The following SHOC1 variants were observed in gnomAD, a reference collection of about 807,000 sequenced individuals.
SHOC1 encodes shortage in chiasmata 1, also known as protein shortage in chiasmata 1 ortholog.
In SHOC1, 136 loss-of-function variants were observed where a neutral mutation model predicts 179.2. That is an observed-to-expected ratio of 0.76 (90% CI 0.66 to 0.87). The LOEUF is 0.87. Among genes scored for constraint, SHOC1 ranks in the 40% least tolerant of loss-of-function variants. The pLI is 0.00. For missense variants in SHOC1, 1,538 were observed against 1,700.8 expected (o/e 0.90, Z 1.68); for synonymous variants, 489 against 586.6 (o/e 0.83, Z 2.41).
chr9:111,714,542 A>G lies in SHOC1; in HGVS notation c.2318T>C (p.Val773Ala). ...AGGCTTTTTCCCCCTAATAAACTGT[A>G]CAATCTCCAGCTGTCTCCAAATGTC... is the stretch of plus-strand genomic sequence containing the variant. ...LGDIWRQLEI[V>A]QFIRGKKPET... Residue 773 changes from valine to alanine, a missense_variant, in exon 17 of 28, where the codon GTA (valine) becomes GCA (alanine). Physicochemically the swap from Val to Ala is moderately conservative, Grantham distance 64. Transcript: ENST00000682961. 1 of 1,614,002 alleles carries G rather than the reference A, an allele frequency of 6.2e-7. No individual in the cohort carries two copies. Among genetic ancestry groups the G allele is most frequent in the Non-Finnish European group, 8.5e-7 (1 of 1,179,950 alleles).
At position 111,727,623 on chromosome 9, in the gene SHOC1, A is replaced by C; in HGVS notation, c.1834+10T>G. 1 of 1,546,692 alleles carries C rather than the reference A, an allele frequency of 6.5e-7. No homozygotes were observed. Among genetic ancestry groups the C allele is most frequent in the South Asian group, 1.3e-5 (1 of 76,596 alleles). ...CCATATCTACGGCAAAATATTATTA[A>C]ATTACTTACCATGTTTTTCATCACT... On this transcript the variant is annotated intron_variant, in intron 13 of 27. Coordinates refer to ENST00000682961, the MANE Select transcript of SHOC1 (RefSeq NM_001378211.1).
intron 24 of SHOC1, among the ~76,000 whole-genome samples, chr9:111,698,357 A>G (rs1831805574): frequency 6.6e-6 from 1 of 152,118 alleles, no homozygotes. Context: ...TCCATCTTGA[A>G]TTAATTTTTC....
chr9:111,719,170 T>C (rs1372492822), intron 15 of SHOC1, among the ~76,000 whole-genome samples: 1 of 152,092 alleles, frequency 6.6e-6, no homozygotes, highest in East Asian at 1.9e-4. Context: ...AGAGAAAACA[T>C]ATTTGGGGAA....
intron 8 of SHOC1, among the ~76,000 whole-genome samples, chr9:111,755,495 T>A (rs1297703396): frequency 6.6e-6 from 1 of 152,144 alleles, no homozygotes; most frequent in Admixed American, 6.5e-5. Flanking sequence ...TTAAATGAAA[T>A]TTATGAGAGG....
At chr9:111,752,644 C>T (rs1172117368) in intron 8 of SHOC1, among the ~76,000 whole-genome samples, 3 of 151,912 alleles carry the variant, frequency 2.0e-5, no homozygotes, top group Non-Finnish European at 4.4e-5. Context: ...AATTAGTATC[C>T]AAAGATTTCA....
At chr9:111,782,714 T>A (rs1425997185) in intron 3 of SHOC1, among the ~76,000 whole-genome samples, 1 of 147,032 alleles carries the variant, frequency 6.8e-6, no homozygotes, top group Non-Finnish European at 1.5e-5. Context: ...AGATGAGGTC[T>A]AAAAAAAAAA....
chr9:111,706,507 C>CA, intron 20 of SHOC1, 61 bp downstream of exon 20: 1 of 1,277,946 alleles, frequency 7.8e-7, no homozygotes, highest in Non-Finnish European at 1.0e-6. Flanking sequence ...AAATCATAAA[C>CA]AAAAAATAGA....
At position 111,738,406 on chromosome 9, in the gene SHOC1, C is replaced by T. The variant is rs181113387; in HGVS notation, c.1291G>A (p.Ala431Thr). Residue 431 changes from alanine to threonine, a missense_variant, in exon 12 of 28, where the codon GCA becomes ACA. By Grantham distance (58) the Ala-to-Thr change is moderately conservative. Transcript: ENST00000682961. ...NLEKAEWWKQ[A>T]GLNLKMMETL... ...TCCATCATTTTCAGATTTAGTCCTG[C>T]TTGTTTCCACCACTCTGCCTTTTCC... is the stretch of plus-strand genomic sequence containing the variant. 5.6e-6 allele frequency: 9 copies of T among 1,612,904 alleles called. No homozygotes were observed. The East Asian group carries it at 2.0e-4, about 36-fold the overall frequency.
At chr9:111,745,785 C>G (rs1272783383) in intron 10 of SHOC1, among the ~76,000 whole-genome samples, 2 of 152,214 alleles carry the variant, frequency 1.3e-5, no homozygotes, top group Admixed American at 6.5e-5. Flanking sequence ...CACTACATTG[C>G]CTTTCATGGC....
chr9:111,700,151 T>G (rs894444694), intron 23 of SHOC1, 104 bp from the exon 24 acceptor site: 8 of 674,606 alleles, frequency 1.2e-5, no homozygotes, highest in Non-Finnish European at 1.6e-5. Context: ...TAGAATAACC[T>G]AGCTAAGACA....
intron 5 of SHOC1, among the ~76,000 whole-genome samples, chr9:111,772,002 T>G (rs1749074778): frequency 6.6e-6 from 1 of 152,170 alleles, no homozygotes; most frequent in Admixed American, 6.5e-5. Flanking sequence ...CCCTCTGCCT[T>G]TGCTCAGCTC....
chr9:111,728,406 A>T (rs761005157), intron 12 of SHOC1, among the ~76,000 whole-genome samples: 1 of 152,198 alleles, frequency 6.6e-6, no homozygotes, highest in Non-Finnish European at 1.5e-5. Flanking sequence ...CTTGCAATAC[A>T]TATAACTGAC....
intron 11 of SHOC1, among the ~76,000 whole-genome samples, chr9:111,739,231 T>G (rs1296291925): frequency 1.3e-5 from 2 of 152,154 alleles, no homozygotes; most frequent in Non-Finnish European, 2.9e-5. Flanking sequence ...AAGTGCTTTC[T>G]TTACATGCAT....
chr9:111,778,973 C>G (rs1286641958), intron 4 of SHOC1, among the ~76,000 whole-genome samples: 1 of 151,768 alleles, frequency 6.6e-6, no homozygotes, highest in Admixed American at 6.6e-5. Flanking sequence ...GTAGTGCATG[C>G]CTGTAATTCC....
rs1833368046 is a variant in SHOC1 at position 111,727,767 on chromosome 9, AT to A, written c.1699del (p.Ile567LeufsTer19). On this transcript the variant is annotated frameshift_variant, in exon 13 of 28. Transcript: ENST00000682961. LOFTEE classifies it high-confidence loss of function. ...GCCATGTTCAAAAGATGCTTTTTTA[AT>A]TATTGAAGAGGAAGGTGATTTAATA... Reference protein sequence around the residue: ...PSIKSPSSSIIKKASFEHGKK... With the variant: ...PSIKSPSSSIXKKASFEHGKK... 2 of 1,613,338 alleles carry A rather than the reference AT, an allele frequency of 1.2e-6. No individual in the cohort carries two copies. The highest frequency in any genetic ancestry group is 2.7e-5 in the African/African-American group (2 of 74,908).
At chr9:111,716,059 C>T (rs1832771910) in intron 16 of SHOC1, among the ~76,000 whole-genome samples, 1 of 152,026 alleles carries the variant, frequency 6.6e-6, no homozygotes, top group Non-Finnish European at 1.5e-5. Context: ...TTGATCTTGG[C>T]TTTCAAGAGG....
rs118111992 is a variant in SHOC1 at position 111,713,720 on chromosome 9, C to T, written c.2416-548G>A. On this transcript the variant is annotated intron_variant, in intron 17 of 27. Coordinates refer to ENST00000682961, the MANE Select transcript of SHOC1 (RefSeq NM_001378211.1). The stretch of plus-strand genomic sequence containing the variant: ...TTTATATCTGGATTTTTAGTGTAAA[C>T]TATTTGAAATGCTTTTCTGCTTGAT... Among the ~76,000 whole-genome samples the T allele has an allele frequency of 7.6e-3, 1,156 of 152,208 alleles. 9 individuals carry two copies. The highest frequency in any genetic ancestry group is 0.024 in the Middle Eastern group (7 of 294).
chr9:111,727,580 A>G (rs1185281761), intron 13 of SHOC1, 53 bp downstream of exon 13: 1 of 1,423,378 alleles, frequency 7.0e-7, no homozygotes, highest in Non-Finnish European at 9.4e-7. Context: ...TAAATTATGT[A>G]CTTAGTCCTT....
At chr9:111,776,057 G>C in intron 4 of SHOC1, 82 bp from the exon 5 acceptor site, 1 of 1,028,228 alleles carries the variant, frequency 9.7e-7, no homozygotes, top group Non-Finnish European at 1.4e-6. Flanking sequence ...GTCCACTGTG[G>C]AAAAAATTAT....
Sources: gnomAD v4.1 joint callset for allele counts (sites outside exome capture counted in the v4.1 genomes callset) on GRCh38, gnomAD v4.1.1 for gene constraint, MANE v1.5 for transcripts, NCBI Gene and HGNC (gene_info 2026-07-23, HGNC 2026-07-21) for gene names.